MYO10: variants seen among roughly 807,000 people sequenced by gnomAD.
The protein encoded by MYO10 is myosin X, also known as unconventional myosin-X.
Under a neutral mutation model 257.3 loss-of-function variants are expected in MYO10, and 133 were observed. The ratio of observed to expected loss-of-function variants is 0.52; its 90% CI spans 0.45 to 0.60. MYO10 has a LOEUF of 0.60. MYO10 is among the 20% of genes least tolerant of loss of function. MYO10 has a pLI of 0.00. For missense variants in MYO10, 2,399 were observed against 2,635.7 expected (o/e 0.91, Z 1.97); for synonymous variants, 1,104 against 1,028.6 (o/e 1.07, Z -1.40).
At chr5:16,828,905 C>T (rs1264617186) in intron 2 of MYO10, among the ~76,000 whole-genome samples, 1 of 152,080 alleles carries the variant, frequency 6.6e-6, no homozygotes, top group Non-Finnish European at 1.5e-5. Context: ...TTTAATCTCA[C>T]TCATTTATTC....
intron 2 of MYO10, among the ~76,000 whole-genome samples, chr5:16,819,407 A>G (rs1742733907): frequency 1.3e-5 from 2 of 152,196 alleles, no homozygotes; most frequent in Non-Finnish European, 2.9e-5. Flanking sequence ...CCATCTGTTG[A>G]CCAAAGCTTG....
At position 16,818,114 on chromosome 5, in the gene MYO10, G is replaced by T; in HGVS notation, c.174C>A (p.His58Gln). 1.9e-6 allele frequency: 3 copies of T among 1,609,686 alleles called. No individual in the cohort carries two copies. The highest frequency in any genetic ancestry group is 2.5e-6 in the Non-Finnish European group (3 of 1,176,770). ...TITHQKVTAM[H>Q]PTNEEGVDDM... ...CATCCACGCCCTCCTCGTTCGTGGG[G>T]TGCATAGCAGTCACCTTCTGGTGGG... Residue 58 changes from histidine to glutamine, a missense_variant, in exon 3 of 41, where the codon CAC becomes CAA. By Grantham distance (24) the His-to-Gln change is conservative. Around this residue, in one of 3 missense-constraint regions of MYO10, gnomAD observed 242 missense variants for 249.5 expected, o/e 0.97. Transcript: ENST00000513610.
chr5:16,904,204 G>A (rs1745458995), intron 1 of MYO10, among the ~76,000 whole-genome samples: 1 of 152,030 alleles, frequency 6.6e-6, no homozygotes, highest in Non-Finnish European at 1.5e-5. Flanking sequence ...GTTTCTGGAG[G>A]GTGGCACACC....
chr5:16,841,099 C>T (rs1743466433), intron 2 of MYO10, among the ~76,000 whole-genome samples: 1 of 150,642 alleles, frequency 6.6e-6, no homozygotes, highest in Non-Finnish European at 1.5e-5. Context: ...GAGCCGAGAT[C>T]TCGCCATTGC....
chr5:16,781,653 T>C, intron 6 of MYO10, 52 bp downstream of exon 6: 2 of 1,540,486 alleles, frequency 1.3e-6, no homozygotes, highest in Non-Finnish European at 1.8e-6. Context: ...GTGAGAACAG[T>C]TTCCACTTAG....
chr5:16,682,002 A>C lies in MYO10; in HGVS notation c.4058T>G (p.Phe1353Cys). Residue 1353 changes from phenylalanine (F) to cysteine (C), a missense_variant, in exon 31 of 41, where the codon TTT (phenylalanine) becomes TGT (cysteine). By Grantham distance (205) the Phe-to-Cys change is radical. Around this residue, in one of 3 missense-constraint regions of MYO10, gnomAD observed 1,820 missense variants for 1,939.4 expected, o/e 0.94. Transcript: ENST00000513610. ...ASDSPDRPNS[F>C]VIITANRVLH... ...CACCCGGTTGGCCGTGATGATCACA[A>C]ACGAGTTGGGTCTGAGCCACAAGAT... 1.9e-6 allele frequency: 3 copies of C among 1,613,438 alleles called. No individual in the cohort carries two copies. Among genetic ancestry groups the C allele is most frequent in the Non-Finnish European group, 2.5e-6 (3 of 1,179,866 alleles).
At chr5:16,697,428 G>T (rs113741312) in intron 26 of MYO10, among the ~76,000 whole-genome samples, 1 of 152,188 alleles carries the variant, frequency 6.6e-6, no homozygotes, top group African/African-American at 2.4e-5. Flanking sequence ...ATGGCTGGGC[G>T]CGGTGGCTCA....
At chr5:16,846,169 C>T (rs1322501410) in intron 2 of MYO10, among the ~76,000 whole-genome samples, 1 of 152,174 alleles carries the variant, frequency 6.6e-6, no homozygotes, top group Non-Finnish European at 1.5e-5. Flanking sequence ...GGGCTACATA[C>T]TGACTTTGTT....
chr5:16,783,289 A>G, intron 5 of MYO10, 46 bp downstream of exon 5: 1 of 1,500,762 alleles, frequency 6.7e-7, no homozygotes. Context: ...CCATACCATA[A>G]GGAAAGTGAA....
At chr5:16,820,087 T>C (rs1742752226) in intron 2 of MYO10, among the ~76,000 whole-genome samples, 1 of 152,178 alleles carries the variant, frequency 6.6e-6, no homozygotes, top group Non-Finnish European at 1.5e-5. Flanking sequence ...TGGGGCCACC[T>C]AGGGAGCAGG....
At position 16,748,438 on chromosome 5, in the gene MYO10, T is replaced by C. The variant is rs576365345; in HGVS notation, c.1929+6390A>G. On this transcript the variant is annotated intron_variant, in intron 19 of 40. Transcript: ENST00000513610. ...TTTTGTTTTTTTGGTAGAGATGGGGTTTCACCACGTTGGCCAGGCTGGTCT... is the reference window on the plus strand; with the variant it reads ...TTTTGTTTTTTTGGTAGAGATGGGGCTTCACCACGTTGGCCAGGCTGGTCT... 2.6e-5 allele frequency among the ~76,000 whole-genome samples: 4 copies of C among 151,838 alleles called. No individual in the cohort carries two copies. In the South Asian group the frequency reaches 8.3e-4, roughly 32 times the overall value.
chr5:16,680,309 C>T (rs1736932593), intron 32 of MYO10, among the ~76,000 whole-genome samples: 1 of 152,114 alleles, frequency 6.6e-6, no homozygotes, highest in South Asian at 2.1e-4. Context: ...ACATTTACAG[C>T]TGAGATGGGG....
At chr5:16,778,523 C>G (rs1486719494) in intron 9 of MYO10, among the ~76,000 whole-genome samples, 5 of 151,912 alleles carry the variant, frequency 3.3e-5, no homozygotes, top group Non-Finnish European at 2.9e-5. Context: ...TCTGGGCATC[C>G]CACAGTGAAC....
intron 4 of MYO10, among the ~76,000 whole-genome samples, chr5:16,788,325 C>A (rs1297009809): frequency 3.3e-5 from 5 of 152,020 alleles, no homozygotes; most frequent in African/African-American, 1.2e-4. Flanking sequence ...TGTTTGCTGG[C>A]GTGATGATTC....
At chr5:16,881,383 CTACAAA>C (rs1744751531) in intron 1 of MYO10, among the ~76,000 whole-genome samples, 1 of 152,176 alleles carries the variant, frequency 6.6e-6, no homozygotes, top group Non-Finnish European at 1.5e-5. Context: ...TTTGAAAGTA[CTACAAA>C]AGCCCTTTGT....
In MYO10 at chr5:16,766,063, T is replaced by C. The variant is rs765360359; in HGVS notation, c.1179+17A>G. Reference sequence around the variant, plus strand: ...GAGTGTCTAGTAACGCAAGATCAGATGGCAAAGCGTGTGTACCTGTTGAAC... The same window carrying C: ...GAGTGTCTAGTAACGCAAGATCAGACGGCAAAGCGTGTGTACCTGTTGAAC... On this transcript the variant is annotated intron_variant, in intron 11 of 40. Transcript: ENST00000513610. 1 of 1,568,958 alleles carries C rather than the reference T, an allele frequency of 6.4e-7. No individual in the cohort carries two copies. Among genetic ancestry groups the C allele is most frequent in the South Asian group, 1.1e-5 (1 of 89,992 alleles).
chr5:16,885,923 G>A (rs1744884811), intron 1 of MYO10, among the ~76,000 whole-genome samples: 1 of 152,108 alleles, frequency 6.6e-6, no homozygotes, highest in African/African-American at 2.4e-5. Flanking sequence ...TGGACACCCA[G>A]GCATCCCCCA....
At chr5:16,919,181 C>G (rs74452093) in intron 1 of MYO10, among the ~76,000 whole-genome samples, 1 of 151,984 alleles carries the variant, frequency 6.6e-6, no homozygotes. Context: ...AGTTCAAGAC[C>G]AGACTGGCCA....
intron 2 of MYO10, among the ~76,000 whole-genome samples, chr5:16,848,342 T>A (rs1743701597): frequency 1.3e-5 from 2 of 151,922 alleles, no homozygotes; most frequent in African/African-American, 2.4e-5. Context: ...TTATTTTTAG[T>A]AGAGACAGGG....
Sources: gnomAD v4.1 joint callset for allele counts (sites outside exome capture counted in the v4.1 genomes callset) on GRCh38, gnomAD v4.1.1 for gene constraint, gnomAD v4.1.1 regional missense constraint, MANE v1.5 for transcripts, NCBI Gene and HGNC (gene_info 2026-07-23, HGNC 2026-07-21) for gene names.